The following CCDC74B variants were observed in gnomAD, a reference collection of about 807,000 sequenced individuals.
The protein encoded by CCDC74B is coiled-coil domain-containing protein 74B.
A neutral mutation model predicts 38.0 loss-of-function variants in CCDC74B; 34 were observed. The observed-to-expected ratio is 0.89, with a 90% CI of 0.68 to 1.19. CCDC74B has a LOEUF of 1.19. Among genes scored for constraint, CCDC74B ranks in the 50% most tolerant of loss-of-function variants. The pLI is 0.00. For missense variants in CCDC74B, 358 were observed against 406.0 expected (o/e 0.88, Z 1.02); for synonymous variants, 132 against 170.4 (o/e 0.77, Z 1.76).
rs573590058 is a variant in CCDC74B at position 130,139,344 on chromosome 2, C to T, written c.*211G>A. 976 of 617,616 alleles carry T rather than the reference C, an allele frequency of 1.6e-3. 8 individuals carry two copies. The African/African-American group carries it at 0.017, about 10-fold the overall frequency. The allele number at this position is 617,616 out of a possible 1,614,324, so 38.3% of individuals were successfully genotyped here. On this transcript the variant is annotated 3_prime_UTR_variant, in exon 8 of 8. Coordinates refer to ENST00000409943, the MANE Select transcript of CCDC74B (RefSeq NM_001258307.2). ...ACAGGTAAGGCGATACCTGCTTCAT[C>T]GTGTGCTTTTATGTAAATGCCAAAT...
In CCDC74B at chr2:130,139,600, C is replaced by T. The variant is rs1558717798; in HGVS notation, c.900G>A (p.Arg300=). ...GGCGCCGTTTCTGCATTGCCTGCAG[C>T]CTCTTCTGCCTCTCGGCAAAGTTGT... ...PKNNFAERQK[R]LQAMQKRRLH... Residue 300 remains arginine (R), a synonymous_variant, in exon 8 of 8, where the codon AGG becomes AGA. Transcript: ENST00000409943. 1 of 1,613,462 alleles carries T rather than the reference C, an allele frequency of 6.2e-7. No homozygotes were observed. Among genetic ancestry groups the T allele is most frequent in the Non-Finnish European group, 8.5e-7 (1 of 1,179,980 alleles).
chr2:130,141,512 C>G, intron 3 of CCDC74B: 1 of 705,280 alleles, frequency 1.4e-6, no homozygotes, highest in South Asian at 1.9e-5. Context: ...TGTGAACACT[C>G]TAGAACAATC....
rs535612484 is a variant in CCDC74B, at chr2:130,143,101, TCATC to T, written c.295+164_295+167del. On this transcript the variant is annotated intron_variant, in intron 2 of 7. Coordinates refer to ENST00000409943, the MANE Select transcript of CCDC74B (RefSeq NM_001258307.2). The stretch of plus-strand genomic sequence containing the variant: ...ACGTGCTGTGCTTGGCTGCGTAACA[TCATC>T]CAGCCACGGCTAGAGGTAGCGGCAT... 7.6e-5 allele frequency: 114 copies of T among 1,492,192 alleles called. No individual in the cohort carries two copies. The East Asian group carries it at 2.2e-3, about 29-fold the overall frequency. The allele number at this position is 1,492,192 out of a possible 1,614,324, so 92.4% of individuals were successfully genotyped here. A position where few individuals can be genotyped will look rare whatever the true frequency, so the allele number is the denominator to read the frequency against.
chr2:130,143,399 C>T, intron 1 of CCDC74B, 86 bp from the exon 2 acceptor site: 1 of 1,573,254 alleles, frequency 6.4e-7, no homozygotes, highest in Admixed American at 1.7e-5. Context: ...CTCCTGGCTG[C>T]TGAGCCCGAA....
Position 130,142,179 on chromosome 2 carries a change from G to T in CCDC74B, c.300C>A (p.Ser100Arg), listed in dbSNP as rs1685680343. The change falls in exon 3 of 8, where the codon AGC (serine) becomes AGA (arginine). Residue 100 changes from serine (S) to arginine (R), a missense_variant. Around this residue, in one of 3 missense-constraint regions of CCDC74B, gnomAD observed 128 missense variants for 146.7 expected, o/e 0.87. Transcript: ENST00000409943. ...IMNQTSQKKD[S>R]LSTSSFQSVK... ...CAGACTGGAAGCTTGACGTGGAGAG[G>T]CTGTCTGCAGGAGAGCGCACAGTGT... The T allele has an allele frequency of 6.2e-7, 1 of 1,613,466 alleles. No homozygotes were observed. The highest frequency in any genetic ancestry group is 1.3e-5 in the African/African-American group (1 of 74,900).
intron 1 of CCDC74B, among the ~76,000 whole-genome samples, chr2:130,143,639 T>C (rs934418452): frequency 3.3e-5 from 5 of 152,118 alleles, no homozygotes; most frequent in African/African-American, 1.2e-4. Flanking sequence ...GCTATGGCGG[T>C]GTCATGATCC....
Position 130,144,905 on chromosome 2 carries a change from A to T in CCDC74B, c.92T>A (p.Val31Asp). 1 of 1,587,078 alleles carries T rather than the reference A, an allele frequency of 6.3e-7. No individual in the cohort carries two copies. Among genetic ancestry groups the T allele is most frequent in the Non-Finnish European group, 8.5e-7 (1 of 1,172,438 alleles). The change falls in exon 1 of 8, where the codon GTC becomes GAC. Residue 31 changes from valine to aspartate, a missense_variant. Physicochemically the swap from Val to Asp is radical, Grantham distance 152. This residue lies in a region of CCDC74B where 128 missense variants were observed against 146.7 expected (regional missense o/e 0.87). Transcript: ENST00000409943. ...RRRRQRPSVG[V>D]QSLRPQSPQL... is the part of the protein sequence containing the mutation. ...CGGGCTCTGCGGCCTCAAGGACTGG[A>T]CGCCCACAGAGGGGCGCTGGCGCCG...
chr2:130,143,820 G>A (rs2104763701), intron 1 of CCDC74B, among the ~76,000 whole-genome samples: 1 of 152,080 alleles, frequency 6.6e-6, no homozygotes, highest in South Asian at 2.1e-4. Flanking sequence ...GGAGGCCGCG[G>A]GCACTGGTGC....
chr2:130,140,120 G>C lies in CCDC74B; in HGVS notation c.679-24C>G, dbSNP rs368129654. On this transcript the variant is annotated intron_variant, in intron 5 of 7. Transcript: ENST00000409943. ...AGCTGAAAGGCAGGGGCAGGGGCGT[G>C]GTGGGGCCTGTGGCGGTGCCAGACT... The C allele has an allele frequency of 3.1e-6, 5 of 1,612,844 alleles. No homozygotes were observed. In the African/African-American group the frequency reaches 6.7e-5, roughly 22 times the overall value.
intron 3 of CCDC74B, 176 bp downstream of exon 3, chr2:130,141,957 C>G (rs1685659428): frequency 3.9e-6 from 3 of 766,430 alleles, no homozygotes; most frequent in African/African-American, 1.8e-5. Context: ...CCCACCCCCC[C>G]TTAATCCCCT....
intron 3 of CCDC74B, 86 bp downstream of exon 3, chr2:130,142,047 C>T: frequency 6.4e-7 from 1 of 1,571,400 alleles, no homozygotes; most frequent in Non-Finnish European, 8.6e-7. Flanking sequence ...GCAGAGGGTA[C>T]CTGGTCAGCA....
intron 2 of CCDC74B, chr2:130,142,837 C>T (rs1457438293): frequency 4.5e-6 from 7 of 1,550,144 alleles, no homozygotes; most frequent in African/African-American, 2.7e-5. Flanking sequence ...AGGAAGGGAT[C>T]CCTGGATGGA....
rs28751929 is a variant in CCDC74B at position 130,139,482 on chromosome 2, G to A, written c.*73C>T. 982,310 of 1,539,364 alleles carry A rather than the reference G, an allele frequency of 0.64. 318,126 individuals carry two copies. The highest frequency in any genetic ancestry group is 0.94 in the African/African-American group (68,063 of 72,696). On this transcript the variant is annotated 3_prime_UTR_variant, in exon 8 of 8. Transcript: ENST00000409943. Reference sequence around the variant, plus strand: ...AGCCAGGCCTAAAAGTAGCGGAAGTGTCAGGAAATGCTATAGAGAGCCAAT... The same window carrying A: ...AGCCAGGCCTAAAAGTAGCGGAAGTATCAGGAAATGCTATAGAGAGCCAAT...
At chr2:130,143,815 C>T (rs1329788924) in intron 1 of CCDC74B, among the ~76,000 whole-genome samples, 2 of 151,914 alleles carry the variant, frequency 1.3e-5, no homozygotes, top group East Asian at 3.9e-4. Flanking sequence ...GGAGAGGAGG[C>T]CGCGGGCACT....
intron 2 of CCDC74B, 135 bp downstream of exon 2, chr2:130,143,134 T>C: frequency 6.5e-7 from 1 of 1,530,640 alleles, no homozygotes; most frequent in Non-Finnish European, 8.8e-7. Context: ...GCGGCATCTG[T>C]CCAGGTCCCC....
intron 2 of CCDC74B, chr2:130,142,712 C>T: frequency 1.3e-6 from 2 of 1,547,276 alleles, no homozygotes; most frequent in Non-Finnish European, 1.7e-6. Flanking sequence ...GACCACAACC[C>T]AGAATCCTGG....
chr2:130,144,144 T>C (rs1685866406), intron 1 of CCDC74B, among the ~76,000 whole-genome samples: 1 of 152,122 alleles, frequency 6.6e-6, no homozygotes, highest in Non-Finnish European at 1.5e-5. Context: ...TGTTTGTTTG[T>C]TTTTGTTTTT....
chr2:130,141,294 T>C lies in CCDC74B; in HGVS notation c.349A>G (p.Lys117Glu), dbSNP rs1184730820. ...AAGGAGCCGGGCTGGGGCCTGGCCTTGCCTTGAGAGTTGGCTGCAAGTCAG... is the reference window on the plus strand; with the variant it reads ...AAGGAGCCGGGCTGGGGCCTGGCCTCGCCTTGAGAGTTGGCTGCAAGTCAG... ...QSVKSISNSG[K>E]ARPQPGSFNK... is the part of the protein sequence containing the mutation. Residue 117 changes from lysine to glutamate, a missense_variant and splice_region_variant, in exon 4 of 8, where the codon AAG becomes GAG. By Grantham distance (56) the Lys-to-Glu change is moderately conservative. Around this residue, in one of 3 missense-constraint regions of CCDC74B, gnomAD observed 17 missense variants for 47.1 expected, o/e 0.36. Coordinates refer to ENST00000409943, the MANE Select transcript of CCDC74B (RefSeq NM_001258307.2). 2.5e-6 allele frequency: 4 copies of C among 1,609,470 alleles called. No homozygotes were observed. Among genetic ancestry groups the C allele is most frequent in the Non-Finnish European group, 3.4e-6 (4 of 1,177,396 alleles).
chr2:130,143,413 C>T, intron 1 of CCDC74B, 100 bp from the exon 2 acceptor site: 1 of 1,492,772 alleles, frequency 6.7e-7, no homozygotes, highest in East Asian at 2.3e-5. Context: ...GCCCGAAAGT[C>T]CTGCCCCCCC....
Sources: allele counts gnomAD v4.1 joint callset (sites outside exome capture counted in the v4.1 genomes callset), GRCh38; gene constraint gnomAD v4.1.1; regional missense constraint gnomAD v4.1.1; transcripts MANE v1.5; gene names NCBI Gene and HGNC (gene_info 2026-07-23, HGNC 2026-07-21).